AGPS: variants seen among roughly 807,000 people sequenced by gnomAD.
AGPS encodes the protein alkyldihydroxyacetonephosphate synthase, peroxisomal.
In AGPS, 26 loss-of-function variants were observed where a neutral mutation model predicts 90.7. The ratio of observed to expected loss-of-function variants is 0.29; its 90% confidence interval spans 0.21 to 0.40. The LOEUF is 0.40. Among genes scored for constraint, AGPS ranks in the 10% least tolerant of loss-of-function variants. AGPS has a pLI of 1.00. For synonymous variants in AGPS, 294 were observed against 285.3 expected (o/e 1.03, Z -0.31); for missense variants, 540 against 816.1 (o/e 0.66, Z 4.12).
chr2:177,431,038 G>A (rs1389107602), intron 2 of AGPS, among the ~76,000 whole-genome samples: 1 of 152,122 alleles, frequency 6.6e-6, no homozygotes, highest in African/African-American at 2.4e-5. Flanking sequence ...CTAGATGATT[G>A]TATATACTTA....
intron 10 of AGPS, among the ~76,000 whole-genome samples, chr2:177,472,692 C>T (rs1363692259): frequency 6.6e-6 from 1 of 152,112 alleles, no homozygotes; most frequent in African/African-American, 2.4e-5. Context: ...CACTTCTACC[C>T]TCTGCTATGC....
At chr2:177,496,444 A>G (rs1042625393) in intron 12 of AGPS, among the ~76,000 whole-genome samples, 2 of 152,186 alleles carry the variant, frequency 1.3e-5, no homozygotes, top group Non-Finnish European at 2.9e-5. Flanking sequence ...ATTGTCTCTT[A>G]AAGCGCTAGT....
rs2079246657 is a variant in AGPS at position 177,542,574 on chromosome 2, G to A, written c.*4379G>A. 6.6e-6 allele frequency: 1 copy of A among 152,088 alleles called. No individual in the cohort carries two copies. Among genetic ancestry groups the A allele is most frequent in the Admixed American group, 6.5e-5 (1 of 15,274 alleles). 9.4% of individuals were successfully genotyped at this position (152,088 alleles called of 1,614,324 possible). A position where few individuals can be genotyped will look rare whatever the true frequency, so the allele number is the denominator to read the frequency against. ...AGGAAAAACATCTTGCAGAGACTCT[G>A]AATTCCAAATCTGAGTGAGAAAGAA... On this transcript the variant is annotated 3_prime_UTR_variant, in exon 20 of 20. Coordinates refer to ENST00000264167, the MANE Select transcript of AGPS (RefSeq NM_003659.4).
intron 17 of AGPS, 55 bp downstream of exon 17, chr2:177,513,963 A>G: frequency 7.7e-7 from 1 of 1,300,878 alleles, no homozygotes; most frequent in Non-Finnish European, 1.1e-6. Flanking sequence ...TGTTTTTTTT[A>G]ATCAAGGGGG....
At chr2:177,487,200 T>C (rs993463507) in intron 11 of AGPS, among the ~76,000 whole-genome samples, 3 of 152,150 alleles carry the variant, frequency 2.0e-5, no homozygotes, top group Non-Finnish European at 2.9e-5. Flanking sequence ...GTTTTTTTTG[T>C]TTGTTTTCAA....
At chr2:177,397,949 T>C (rs1685232047) in intron 1 of AGPS, among the ~76,000 whole-genome samples, 1 of 152,138 alleles carries the variant, frequency 6.6e-6, no homozygotes, top group Admixed American at 6.5e-5. Context: ...GAGGATTGCT[T>C]TGAGCCTGGG....
chr2:177,431,102 C>G (rs771753708), intron 2 of AGPS, among the ~76,000 whole-genome samples: 2 of 152,076 alleles, frequency 1.3e-5, no homozygotes, highest in African/African-American at 4.8e-5. Context: ...CCCTAAGTGT[C>G]GGCTGGTCTG....
chr2:177,475,835 C>T (rs1443481266), intron 10 of AGPS, among the ~76,000 whole-genome samples: 1 of 152,008 alleles, frequency 6.6e-6, no homozygotes, highest in Admixed American at 6.5e-5. Flanking sequence ...CCATATAAGT[C>T]ATAACCCTAT....
chr2:177,464,429 TATTTA>T (rs1687388659), intron 9 of AGPS, among the ~76,000 whole-genome samples: 1 of 152,240 alleles, frequency 6.6e-6, no homozygotes, highest in Non-Finnish European at 1.5e-5. Context: ...CATTAGTGCA[TATTTA>T]ATTAAAGCAC....
chr2:177,470,483 CACTT>C (rs1487952225), intron 10 of AGPS, among the ~76,000 whole-genome samples: 1 of 151,936 alleles, frequency 6.6e-6, no homozygotes, highest in African/African-American at 2.4e-5. Flanking sequence ...GCGGGTGGAT[CACTT>C]GAGGTCAGGC....
At chr2:177,395,064 A>G (rs540114080) in intron 1 of AGPS, among the ~76,000 whole-genome samples, 25 of 152,278 alleles carry the variant, frequency 1.6e-4, no homozygotes, top group African/African-American at 5.8e-4. Flanking sequence ...TTGAGGTTAT[A>G]TTATTAATAG....
chr2:177,511,585 G>C (rs1688874286), intron 16 of AGPS, among the ~76,000 whole-genome samples: 1 of 152,154 alleles, frequency 6.6e-6, no homozygotes, highest in South Asian at 2.1e-4. Flanking sequence ...ATAATATCTA[G>C]AGGATGTAGA....
intron 2 of AGPS, among the ~76,000 whole-genome samples, chr2:177,431,852 G>T (rs1365145219): frequency 1.3e-5 from 2 of 152,130 alleles, no homozygotes; most frequent in Non-Finnish European, 2.9e-5. Context: ...CAGTCAATTT[G>T]TACAATAGTG....
At chr2:177,509,732 A>G (rs902788089) in intron 16 of AGPS, among the ~76,000 whole-genome samples, 1 of 151,872 alleles carries the variant, frequency 6.6e-6, no homozygotes, top group Non-Finnish European at 1.5e-5. Flanking sequence ...TTTTTTTAGT[A>G]TGAAATTAGT....
chr2:177,401,702 G>A (rs1276788621), intron 1 of AGPS, among the ~76,000 whole-genome samples: 1 of 152,034 alleles, frequency 6.6e-6, no homozygotes, highest in African/African-American at 2.4e-5. Context: ...ACAGCACCAC[G>A]CCTGGCTAAT....
At chr2:177,460,411 T>C (rs770612895) in intron 8 of AGPS, among the ~76,000 whole-genome samples, 8 of 152,122 alleles carry the variant, frequency 5.3e-5, no homozygotes, top group Non-Finnish European at 8.8e-5. Flanking sequence ...GGAATAATAA[T>C]AGTGTCAGCT....
intron 17 of AGPS, among the ~76,000 whole-genome samples, chr2:177,516,877 C>G (rs1689036099): frequency 6.6e-6 from 1 of 152,050 alleles, no homozygotes; most frequent in African/African-American, 2.4e-5. Context: ...TCCGTTGTTT[C>G]TTAAACTTTG....
intron 8 of AGPS, among the ~76,000 whole-genome samples, chr2:177,461,367 C>G (rs1036638161): frequency 6.6e-6 from 1 of 152,198 alleles, no homozygotes; most frequent in African/African-American, 2.4e-5. Flanking sequence ...GAAACCTATC[C>G]AGATGCCTGT....
chr2:177,437,890 A>G (rs777112531), intron 5 of AGPS, among the ~76,000 whole-genome samples: 59 of 152,192 alleles, frequency 3.9e-4, no homozygotes, highest in Non-Finnish European at 6.9e-4. Flanking sequence ...ACAGAAGGAA[A>G]ATCCAAGAGC....
Sources: allele counts gnomAD v4.1 joint callset (sites outside exome capture counted in the v4.1 genomes callset), GRCh38; gene constraint gnomAD v4.1.1; transcripts MANE v1.5; gene names NCBI Gene and HGNC (gene_info 2026-07-23, HGNC 2026-07-21).